Variants in JMJD1C observed in about 807,000 individuals in gnomAD.
The protein encoded by JMJD1C is jumonji domain containing 1C.
JMJD1C carries 31 observed loss-of-function variants against 245.3 expected under a neutral mutation model. That is an observed-to-expected ratio of 0.13 (90% confidence interval 0.09 to 0.17). The LOEUF (loss-of-function observed/expected upper bound fraction) is 0.17. JMJD1C is among the 10% of genes least tolerant of loss of function. The probability of loss-of-function intolerance (pLI) is 1.00; values close to 1 mark genes in which losing one functional copy is unlikely to be tolerated. For synonymous variants in JMJD1C, 1,057 were observed against 1,017.4 expected (o/e 1.04, Z -0.74); for missense variants, 2,691 against 3,000.2 (o/e 0.90, Z 2.41).
intron 2 of JMJD1C, among the ~76,000 whole-genome samples, chr10:63,334,107 C>T (rs1942448516): frequency 6.6e-6 from 1 of 152,042 alleles, no homozygotes; most frequent in Admixed American, 6.6e-5. Flanking sequence ...AGATGCTGAC[C>T]CAAGAAGAGG....
chr10:63,318,271 C>T (rs1940355168), intron 2 of JMJD1C, among the ~76,000 whole-genome samples: 1 of 152,120 alleles, frequency 6.6e-6, no homozygotes, highest in South Asian at 2.1e-4. Context: ...CCTATCCTGG[C>T]CTCCCAAAGT....
At chr10:63,309,197 A>G (rs1453130743) in intron 2 of JMJD1C, among the ~76,000 whole-genome samples, 1 of 152,190 alleles carries the variant, frequency 6.6e-6, no homozygotes, top group Non-Finnish European at 1.5e-5. Flanking sequence ...TTAACACAGT[A>G]TAAGGAATAA....
At chr10:63,434,942 A>T (rs900989904) in intron 1 of JMJD1C, among the ~76,000 whole-genome samples, 2 of 152,194 alleles carry the variant, frequency 1.3e-5, no homozygotes, top group African/African-American at 4.8e-5. Flanking sequence ...CCCTAGAATA[A>T]TATCTGCTGT....
intron 1 of JMJD1C, among the ~76,000 whole-genome samples, chr10:63,406,709 A>G (rs192823593): frequency 3.3e-5 from 5 of 152,260 alleles, no homozygotes; most frequent in African/African-American, 1.2e-4. Context: ...AAAACTCAAT[A>G]ATACAGCACA....
chr10:63,302,330 T>C (rs1860200503), intron 2 of JMJD1C, among the ~76,000 whole-genome samples: 1 of 152,198 alleles, frequency 6.6e-6, no homozygotes, highest in Non-Finnish European at 1.5e-5. Context: ...TGAATATATA[T>C]AATTAGAAAT....
At chr10:63,179,235 C>T (rs1843184614) in intron 22 of JMJD1C, among the ~76,000 whole-genome samples, 1 of 151,866 alleles carries the variant, frequency 6.6e-6, no homozygotes, top group South Asian at 2.1e-4. Context: ...CATGAAGAAA[C>T]CCCATCTCTA....
At chr10:63,340,131 C>T (rs1943233297) in intron 2 of JMJD1C, among the ~76,000 whole-genome samples, 1 of 152,124 alleles carries the variant, frequency 6.6e-6, no homozygotes, top group Non-Finnish European at 1.5e-5. Flanking sequence ...GATGTCTGAG[C>T]ACCAAAATGA....
intron 3 of JMJD1C, among the ~76,000 whole-genome samples, chr10:63,247,859 C>T (rs201917082): frequency 1.0e-5 from 1 of 96,942 alleles, no homozygotes; most frequent in Non-Finnish European, 2.5e-5. Flanking sequence ...CAAAACAAAA[C>T]AAAACAAACA....
chr10:63,478,730 G>T, intron 1 of JMJD1C, among the ~76,000 whole-genome samples: 1 of 152,218 alleles, frequency 6.6e-6, no homozygotes, highest in South Asian at 2.1e-4. Context: ...ACTGGCAACC[G>T]GGAAGCTCAC....
intron 3 of JMJD1C, among the ~76,000 whole-genome samples, chr10:63,246,624 T>C (rs995530905): frequency 2.6e-5 from 4 of 151,278 alleles, no homozygotes; most frequent in Non-Finnish European, 4.4e-5. Context: ...AAACAAATAA[T>C]GTACAAAAAA....
intron 1 of JMJD1C, among the ~76,000 whole-genome samples, chr10:63,418,350 T>C (rs1949917379): frequency 6.6e-6 from 1 of 152,242 alleles, no homozygotes; most frequent in African/African-American, 2.4e-5. Context: ...CTATCCTGCA[T>C]ACAGTTTTGA....
At chr10:63,244,996 G>T (rs1851989888) in intron 3 of JMJD1C, among the ~76,000 whole-genome samples, 1 of 151,858 alleles carries the variant, frequency 6.6e-6, no homozygotes, top group Non-Finnish European at 1.5e-5. Context: ...AAGTAGCTGG[G>T]CATGGTGGCA....
chr10:63,213,909 G>A lies in JMJD1C; in HGVS notation c.2258C>T (p.Thr753Ile), dbSNP rs752049833. ...TGCAGGAGTTAAGGCAGGATGATGG[G>A]TACCTGGATTTAAACAGGTTCTATG... ...SSHRTCLNPG[T>I]HHPALTPAPH... The change falls in exon 8 of 26, where the codon ACC becomes ATC. Residue 753 changes from threonine (T) to isoleucine (I), a missense_variant. Thr to Ile is a moderately conservative substitution (Grantham distance 89). This residue lies in a region of JMJD1C where 1,562 missense variants were observed against 1,490.7 expected (regional missense o/e 1.05). Coordinates refer to ENST00000399262, the MANE Select transcript of JMJD1C (RefSeq NM_032776.3). 1 of 1,614,168 alleles carries A rather than the reference G, an allele frequency of 6.2e-7. No homozygotes were observed. Among genetic ancestry groups the A allele is most frequent in the South Asian group, 1.1e-5 (1 of 91,082 alleles).
At chr10:63,237,139 G>C (rs1850832749) in intron 3 of JMJD1C, among the ~76,000 whole-genome samples, 1 of 152,132 alleles carries the variant, frequency 6.6e-6, no homozygotes, top group South Asian at 2.1e-4. Flanking sequence ...CCAGGTTCAA[G>C]TGATTCTCCT....
chr10:63,246,480 T>C (rs1251290365), intron 3 of JMJD1C, among the ~76,000 whole-genome samples: 2 of 152,152 alleles, frequency 1.3e-5, no homozygotes, highest in East Asian at 3.9e-4. Flanking sequence ...AAGAATACTG[T>C]CTCTAGCAAA....
At chr10:63,216,571 G>A (rs926904206) in intron 5 of JMJD1C, among the ~76,000 whole-genome samples, 3 of 152,016 alleles carry the variant, frequency 2.0e-5, no homozygotes, top group African/African-American at 7.3e-5. Context: ...ATAGCCGGGC[G>A]TGGTGGCGGG....
At chr10:63,428,818 T>C (rs1950588110) in intron 1 of JMJD1C, among the ~76,000 whole-genome samples, 1 of 152,192 alleles carries the variant, frequency 6.6e-6, no homozygotes, top group Admixed American at 6.5e-5. Flanking sequence ...ATACCCATAC[T>C]ATTATAATAA....
At position 63,207,291 on chromosome 10, in the gene JMJD1C, T is replaced by C. The variant is rs1381439092; in HGVS notation, c.4378A>G (p.Ser1460Gly). The change falls in exon 10 of 26, where the codon AGT becomes GGT. Residue 1460 changes from serine (S) to glycine (G), a missense_variant. Coordinates refer to ENST00000399262, the MANE Select transcript of JMJD1C (RefSeq NM_032776.3). The stretch of plus-strand genomic sequence containing the variant: ...TGAACAACACTTCCTGTCTTACTAC[T>C]GGCTAATGTAACTGGTGCTGTGGTG... ...VSTTAPVTLA[S>G]SKTGSVVQPS... 9 of 1,613,716 alleles carry C rather than the reference T, an allele frequency of 5.6e-6. No individual in the cohort carries two copies. The highest frequency in any genetic ancestry group is 7.6e-6 in the Non-Finnish European group (9 of 1,180,044).
At chr10:63,198,401 A>G (rs920051516) in intron 12 of JMJD1C, 112 bp downstream of exon 12, 6 of 687,186 alleles carry the variant, frequency 8.7e-6, no homozygotes, top group Non-Finnish European at 1.2e-5. Context: ...TATCATTATC[A>G]TAATTAAAAA....
Sources: allele counts gnomAD v4.1 joint callset (sites outside exome capture counted in the v4.1 genomes callset), GRCh38; gene constraint gnomAD v4.1.1; regional missense constraint gnomAD v4.1.1; transcripts MANE v1.5; gene names NCBI Gene and HGNC (gene_info 2026-07-23, HGNC 2026-07-21).